The following RBFOX1 variants were observed in gnomAD, a reference collection of about 807,000 sequenced individuals.
RBFOX1 encodes the protein RNA binding fox-1 homolog 1.
In RBFOX1, 8 loss-of-function variants were observed where a neutral mutation model predicts 57.7. The observed-to-expected ratio is 0.14, with a 90% CI of 0.08 to 0.25. The LOEUF (loss-of-function observed/expected upper bound fraction) is 0.25. RBFOX1 is among the 10% of genes least tolerant of loss of function. RBFOX1 has a pLI of 1.00. For missense variants in RBFOX1, 611 were observed against 548.5 expected, an observed-to-expected ratio of 1.11 and a Z score of -1.14; for synonymous variants, 326 against 222.4, an observed-to-expected ratio of 1.47 and a Z score of -4.15.
chr16:6,352,780 G>T (rs911860533), intron 2 of RBFOX1, among the ~76,000 whole-genome samples: 1 of 152,174 alleles, frequency 6.6e-6, no homozygotes, highest in African/African-American at 2.4e-5. Flanking sequence ...TTACTGCGAC[G>T]CTGCCTTGCC....
At chr16:7,293,945 A>G (rs1388374633) in intron 4 of RBFOX1, among the ~76,000 whole-genome samples, 1 of 152,180 alleles carries the variant, frequency 6.6e-6, no homozygotes, top group Non-Finnish European at 1.5e-5. Flanking sequence ...TGGAGATGTT[A>G]GAGGTGAAGT....
chr16:6,823,263 CT>C (rs566534988), intron 3 of RBFOX1, among the ~76,000 whole-genome samples: 2 of 145,236 alleles, frequency 1.4e-5, no homozygotes, highest in African/African-American at 5.1e-5. Context: ...TTTTTTTTTT[CT>C]TTTTTTTCCC....
chr16:6,084,161 G>T (rs2096052873), intron 1 of RBFOX1, among the ~76,000 whole-genome samples: 1 of 152,182 alleles, frequency 6.6e-6, no homozygotes, highest in African/African-American at 2.4e-5. Context: ...AGCAGTCATT[G>T]AGAGAGCACG....
At chr16:6,964,708 T>G (rs78690341) in intron 3 of RBFOX1, among the ~76,000 whole-genome samples, 54 of 152,304 alleles carry the variant, frequency 3.5e-4, no homozygotes, top group African/African-American at 1.3e-3. Context: ...AAAGGGTGTC[T>G]CTGATGAGGT....
chr16:6,585,075 C>T (rs887033513), intron 2 of RBFOX1, among the ~76,000 whole-genome samples: 6 of 152,188 alleles, frequency 3.9e-5, no homozygotes, highest in African/African-American at 1.4e-4. Flanking sequence ...ACACAGAGAG[C>T]TTGGCATCTC....
intron 4 of RBFOX1, among the ~76,000 whole-genome samples, chr16:5,992,597 T>C (rs2060419967): frequency 6.6e-6 from 1 of 152,174 alleles, no homozygotes; most frequent in Non-Finnish European, 1.5e-5. Context: ...GTTGCTTCTC[T>C]AGGAATCCGA....
intron 3 of RBFOX1, among the ~76,000 whole-genome samples, chr16:5,699,670 T>C (rs541407737): frequency 2.0e-4 from 31 of 152,302 alleles, no homozygotes; most frequent in African/African-American, 7.0e-4. Context: ...TACTGGGATC[T>C]AGAGGATAGA....
At chr16:6,334,507 C>CAAAAAAAAAAAAAA (rs35514991) in intron 2 of RBFOX1, among the ~76,000 whole-genome samples, 1 of 115,954 alleles carries the variant, frequency 8.6e-6, no homozygotes, top group African/African-American at 3.5e-5. Flanking sequence ...GATAGCATCT[C>CAAAAAAAAAAAAAA]AAAAAAAAAA....
rs2064378078 is a variant in RBFOX1 at position 5,320,723 on chromosome 16, G to C, written c.219+80618G>C. Among the ~76,000 whole-genome samples, 3 of 152,204 alleles carry C rather than the reference G, an allele frequency of 2.0e-5. No individual in the cohort carries two copies. In the South Asian group the frequency reaches 6.2e-4, roughly 32 times the overall value. On this transcript the variant is annotated intron_variant, in intron 1 of 2. Coordinates refer to the RBFOX1 transcript ENST00000585867. ...TGACTGATTTTCAGGAGGTGGCTTG[G>C]AGTCTGCAGTAGGGTTTCCTGGCCA...
chr16:5,503,635 G>A (rs1236564699), intron 2 of RBFOX1, among the ~76,000 whole-genome samples: 4 of 152,070 alleles, frequency 2.6e-5, no homozygotes, highest in African/African-American at 7.2e-5. Flanking sequence ...GTAGAGATGA[G>A]GTTTCCCCAT....
chr16:6,624,484 A>G (rs1390490985), intron 2 of RBFOX1, among the ~76,000 whole-genome samples: 1 of 152,120 alleles, frequency 6.6e-6, no homozygotes, highest in Non-Finnish European at 1.5e-5. Context: ...TCACAAGGTA[A>G]TCTACCTAAC....
At chr16:5,327,592 G>T (rs1231728568) in intron 1 of RBFOX1, among the ~76,000 whole-genome samples, 1 of 152,082 alleles carries the variant, frequency 6.6e-6, no homozygotes, top group Non-Finnish European at 1.5e-5. Context: ...TGCACAATAG[G>T]TTTCTGGTAC....
chr16:6,332,817 G>A (rs180836283), intron 2 of RBFOX1, among the ~76,000 whole-genome samples: 1 of 152,088 alleles, frequency 6.6e-6, no homozygotes, highest in Non-Finnish European at 1.5e-5. Context: ...GGACTAGAAG[G>A]GTAGATGAAA....
chr16:7,601,811 T>C (rs190503539), intron 9 of RBFOX1, among the ~76,000 whole-genome samples: 76 of 152,306 alleles, frequency 5.0e-4, no homozygotes, highest in African/African-American at 1.7e-3. Flanking sequence ...TTTCTACCGA[T>C]GTTTCAAGAG....
chr16:6,593,493 G>A (rs976386570), intron 2 of RBFOX1, among the ~76,000 whole-genome samples: 1 of 152,152 alleles, frequency 6.6e-6, no homozygotes, highest in Non-Finnish European at 1.5e-5. Context: ...TTGTACTAGA[G>A]GGAGAATTGA....
chr16:6,417,198 G>A (rs2093647140), intron 2 of RBFOX1, among the ~76,000 whole-genome samples: 1 of 151,736 alleles, frequency 6.6e-6, no homozygotes, highest in South Asian at 2.1e-4. Context: ...TTTTAGTAGA[G>A]ATGGGGTTTC....
chr16:6,628,204 C>T lies in RBFOX1; in HGVS notation c.-63-26399C>T, dbSNP rs911912672. Among the ~76,000 whole-genome samples, 3 of 152,164 alleles carry T rather than the reference C, an allele frequency of 2.0e-5. No individual in the cohort carries two copies. The South Asian group carries it at 6.2e-4, about 31-fold the overall frequency. The stretch of plus-strand genomic sequence containing the variant: ...GGTACCTTGGTCATCTCACCAGTCT[C>T]CCTGGGGGTTAGCATCTTAGGAATG... On this transcript the variant is annotated intron_variant, in intron 2 of 15. Coordinates refer to ENST00000550418, the MANE Select transcript of RBFOX1 (RefSeq NM_018723.4).
At chr16:5,550,408 C>A (rs764451444) in intron 2 of RBFOX1, among the ~76,000 whole-genome samples, 1 of 152,172 alleles carries the variant, frequency 6.6e-6, no homozygotes. Flanking sequence ...CCACCCTGGG[C>A]TCTGATTACC....
At chr16:7,114,261 C>G (rs991630700) in intron 4 of RBFOX1, among the ~76,000 whole-genome samples, 11 of 151,892 alleles carry the variant, frequency 7.2e-5, no homozygotes, top group African/African-American at 1.7e-4. Flanking sequence ...CATGAGTGTA[C>G]TTGTGTACAC....
Sources: allele counts gnomAD v4.1 joint callset (sites outside exome capture counted in the v4.1 genomes callset), GRCh38; gene constraint gnomAD v4.1.1; transcripts MANE v1.5; gene names NCBI Gene and HGNC (gene_info 2026-07-23, HGNC 2026-07-21).